SLC35F3: variants seen among roughly 807,000 people sequenced by gnomAD.
SLC35F3 encodes putative thiamine transporter SLC35F3.
Under a neutral mutation model 49.9 loss-of-function variants are expected in SLC35F3, and 25 were observed. The observed-to-expected ratio is 0.50, with a 90% confidence interval of 0.37 to 0.70. The LOEUF is 0.70. Among genes scored for constraint, SLC35F3 ranks in the 30% least tolerant of loss-of-function variants. The pLI is 0.00. For synonymous variants in SLC35F3, 275 were observed against 265.4 expected, an observed-to-expected ratio of 1.04 and a Z score of -0.35; for missense variants, 525 against 639.8, an observed-to-expected ratio of 0.82 and a Z score of 1.94.
chr1:234,275,731 G>A (rs1328171339), intron 3 of SLC35F3, among the ~76,000 whole-genome samples: 1 of 140,140 alleles, frequency 7.1e-6, no homozygotes, highest in Non-Finnish European at 1.5e-5. Flanking sequence ...TCTGATAAAT[G>A]AAACATCATT....
chr1:234,083,628 T>A (rs1664915541), intron 2 of SLC35F3, among the ~76,000 whole-genome samples: 1 of 152,196 alleles, frequency 6.6e-6, no homozygotes. Flanking sequence ...AGATCTCCAA[T>A]CATTTCTTAT....
chr1:234,221,397 A>T (rs1255439096), intron 2 of SLC35F3, among the ~76,000 whole-genome samples: 1 of 152,194 alleles, frequency 6.6e-6, no homozygotes, highest in Non-Finnish European at 1.5e-5. Context: ...CATACCGGGG[A>T]GGAAGCACAA....
At chr1:233,935,577 C>T (rs1386550046) in intron 2 of SLC35F3, among the ~76,000 whole-genome samples, 1 of 152,060 alleles carries the variant, frequency 6.6e-6, no homozygotes, top group Non-Finnish European at 1.5e-5. Flanking sequence ...CTTTTGCTTT[C>T]TGTAAGGGTT....
At chr1:233,952,882 C>T (rs1380938671) in intron 2 of SLC35F3, among the ~76,000 whole-genome samples, 2 of 152,100 alleles carry the variant, frequency 1.3e-5, no homozygotes, top group African/African-American at 2.4e-5. Flanking sequence ...CCCCTCCCCG[C>T]CCCACAATTC....
chr1:233,945,624 A>T (rs927662618), intron 2 of SLC35F3, among the ~76,000 whole-genome samples: 2 of 152,232 alleles, frequency 1.3e-5, no homozygotes, highest in Non-Finnish European at 2.9e-5. Flanking sequence ...ATCTTGAGTT[A>T]TAATAATCCC....
intron 2 of SLC35F3, among the ~76,000 whole-genome samples, chr1:234,021,742 G>T (rs1663899042): frequency 6.6e-6 from 1 of 152,080 alleles, no homozygotes; most frequent in African/African-American, 2.4e-5. Flanking sequence ...CTTACCACTG[G>T]CTTTACTATT....
At chr1:234,322,609 G>A (rs556223540) in intron 7 of SLC35F3, among the ~76,000 whole-genome samples, 17 of 151,394 alleles carry the variant, frequency 1.1e-4, no homozygotes, top group African/African-American at 4.1e-4. Flanking sequence ...CATGTAAGTG[G>A]ATCCGTACAG....
At chr1:233,910,711 T>A (rs1432896818) in intron 2 of SLC35F3, among the ~76,000 whole-genome samples, 1 of 152,210 alleles carries the variant, frequency 6.6e-6, no homozygotes, top group Non-Finnish European at 1.5e-5. Context: ...ACGAATAGCT[T>A]TTTTGAAGGG....
At chr1:233,947,406 T>G (rs1165473532) in intron 2 of SLC35F3, among the ~76,000 whole-genome samples, 1 of 149,596 alleles carries the variant, frequency 6.7e-6, no homozygotes, top group Non-Finnish European at 1.5e-5. Flanking sequence ...GATTTATTCT[T>G]AAGGCTGAGA....
chr1:234,276,888 C>T (rs1668220998), intron 3 of SLC35F3, among the ~76,000 whole-genome samples: 1 of 152,212 alleles, frequency 6.6e-6, no homozygotes, highest in African/African-American at 2.4e-5. Context: ...CTATAAATAA[C>T]ATTTGGTGCC....
chr1:234,237,392 AT>A lies in SLC35F3; in HGVS notation c.608+5653del, dbSNP rs559670517. On this transcript the variant is annotated intron_variant, in intron 3 of 7. Transcript: ENST00000366618. ...TCTTCTGTTGATAAAAAGCACTTTA[AT>A]TGTCATTTTCACCAAACTCAAGTGT... 2.9e-3 allele frequency among the ~76,000 whole-genome samples: 434 copies of A among 152,186 alleles called. 5 individuals are homozygous for A. The highest frequency in any genetic ancestry group is 9.8e-3 in the African/African-American group (406 of 41,536).
intron 2 of SLC35F3, among the ~76,000 whole-genome samples, chr1:234,032,105 T>A (rs1325441848): frequency 6.6e-6 from 1 of 152,180 alleles, no homozygotes; most frequent in African/African-American, 2.4e-5. Flanking sequence ...TCGTGATTGT[T>A]CTGCTCTCGG....
rs765754440 is a variant in SLC35F3, at chr1:234,214,581, C to A, written c.284-16836C>A. ...ACCCTTACCAAAGTGGAAGGTAATG[C>A]GCGGCCGCCTCGCCCCGGGGGTCCC... On this transcript the variant is annotated intron_variant, in intron 2 of 7. Coordinates refer to ENST00000366618, the MANE Select transcript of SLC35F3 (RefSeq NM_173508.4). The surrounding 1 kb of genome is among the most constrained non-coding windows in gnomAD (Gnocchi z 8.0). 13 of 1,535,044 alleles carry A rather than the reference C, an allele frequency of 8.5e-6. No homozygotes were observed. The Admixed American group carries it at 2.4e-4, about 28-fold the overall frequency.
rs148404051 is a variant in SLC35F3, at chr1:233,970,948, C to T, written c.283+65190C>T. On this transcript the variant is annotated intron_variant, in intron 2 of 7. Coordinates refer to ENST00000366618, the MANE Select transcript of SLC35F3 (RefSeq NM_173508.4). ...TCAATTCCTAAACTTGCAGGATACT[C>T]TTTAGCTGGGCTTATTCAATGGCAC... 2.9e-3 allele frequency among the ~76,000 whole-genome samples: 449 copies of T among 152,304 alleles called. 1 individual carries two copies. The highest frequency in any genetic ancestry group is 4.9e-3 in the Non-Finnish European group (331 of 68,024).
intron 3 of SLC35F3, among the ~76,000 whole-genome samples, chr1:234,267,586 C>G (rs1306208334): frequency 2.0e-5 from 3 of 149,870 alleles, no homozygotes; most frequent in African/African-American, 7.6e-5. Context: ...GGCGGCCGGG[C>G]AGAGGCACCC....
chr1:234,064,824 AC>A (rs2102864422), intron 2 of SLC35F3, among the ~76,000 whole-genome samples: 1 of 151,880 alleles, frequency 6.6e-6, no homozygotes, highest in South Asian at 2.1e-4. Flanking sequence ...TCTAACAGCA[AC>A]CCAGGAAAGT....
At chr1:234,300,663 G>A (rs1377133002) in intron 3 of SLC35F3, among the ~76,000 whole-genome samples, 1 of 152,224 alleles carries the variant, frequency 6.6e-6, no homozygotes, top group East Asian at 1.9e-4. Flanking sequence ...GGGACCATGT[G>A]TCAGGAACAC....
chr1:234,223,324 C>T (rs1392440567), intron 2 of SLC35F3, among the ~76,000 whole-genome samples: 1 of 152,118 alleles, frequency 6.6e-6, no homozygotes, highest in Non-Finnish European at 1.5e-5. Context: ...CTGACTCTTA[C>T]CAGCTCTCAG....
In SLC35F3 at chr1:234,317,881, A is replaced by T. The variant is rs527937133; in HGVS notation, c.955-870A>T. On this transcript the variant is annotated intron_variant, in intron 5 of 7. Transcript: ENST00000366618. ...AGAAACACAATCCACAATGAACACA[A>T]TATTCTGATTCAGATTCCAGTCTCC... Among the ~76,000 whole-genome samples the T allele has an allele frequency of 2.7e-4, 41 of 152,334 alleles. 1 individual carries two copies. Among genetic ancestry groups the T allele is most frequent in the Middle Eastern group, 6.8e-3 (2 of 294 alleles).
Sources: gnomAD v4.1 joint callset for allele counts (sites outside exome capture counted in the v4.1 genomes callset) on GRCh38, gnomAD v4.1.1 for gene constraint, Gnocchi (gnomAD v3.1) non-coding constraint, MANE v1.5 for transcripts, NCBI Gene and HGNC (gene_info 2026-07-23, HGNC 2026-07-21) for gene names.